PADI4: variants seen among roughly 807,000 people sequenced by gnomAD.
PADI4 encodes peptidyl arginine deiminase 4, also known as protein-arginine deiminase type-4.
PADI4 carries 62 observed loss-of-function variants against 75.0 expected under a neutral mutation model. That is an observed-to-expected ratio of 0.83 (90% confidence interval 0.67 to 1.02). The LOEUF (loss-of-function observed/expected upper bound fraction) is 1.02. Among genes scored for constraint, PADI4 ranks in the 50% least tolerant of loss-of-function variants. The pLI is 0.00. For synonymous variants in PADI4, 361 were observed against 348.1 expected (o/e 1.04, Z -0.41); for missense variants, 845 against 850.5 (o/e 0.99, Z 0.08).
rs2074406035 is a variant in PADI4, at chr1:17,340,850, G to T, written c.652+1037G>T. 4.0e-5 allele frequency among the ~76,000 whole-genome samples: 6 copies of T among 149,582 alleles called. No homozygotes were observed. In the Admixed American group the frequency reaches 4.0e-4, roughly 10 times the overall value. The stretch of plus-strand genomic sequence containing the variant: ...GAGTCTCACTCTGTTGCCCCGGCTG[G>T]AGTGCAGTGGTGCCATCTTGGCTCA... On this transcript the variant is annotated intron_variant, in intron 6 of 15. Transcript: ENST00000375448.
chr1:17,360,288 C>T (rs896265079), intron 15 of PADI4, among the ~76,000 whole-genome samples: 1 of 145,052 alleles, frequency 6.9e-6, no homozygotes, highest in Admixed American at 6.9e-5. Flanking sequence ...GAGACTTTGT[C>T]TCGGGAAAAA....
intron 4 of PADI4, among the ~76,000 whole-genome samples, chr1:17,337,444 C>T (rs1406616511): frequency 1.3e-5 from 2 of 152,142 alleles, no homozygotes; most frequent in Non-Finnish European, 2.9e-5. Flanking sequence ...CTGCGCCCAG[C>T]CAACATTTCT....
At chr1:17,359,169 C>T (rs2074810509) in intron 14 of PADI4, 111 bp from the exon 15 acceptor site, 11 of 815,476 alleles carry the variant, frequency 1.3e-5, no homozygotes, top group Middle Eastern at 3.6e-4. Context: ...GCCTTCCTGA[C>T]ACTGTCCCAG....
intron 2 of PADI4, 129 bp downstream of exon 2, chr1:17,331,278 G>T (rs765699265): frequency 3.5e-4 from 251 of 708,356 alleles, no homozygotes; most frequent in Non-Finnish European, 5.2e-4. Context: ...GCTCGTGATG[G>T]CTTCTTCCAG....
At chr1:17,347,852 G>T in intron 9 of PADI4, 89 bp from the exon 10 acceptor site, 1 of 644,174 alleles carries the variant, frequency 1.6e-6, no homozygotes. Flanking sequence ...GGGTGAGAGT[G>T]AGTGGATGGT....
intron 5 of PADI4, among the ~76,000 whole-genome samples, chr1:17,339,252 C>G (rs1390923117): frequency 6.6e-6 from 1 of 152,186 alleles, no homozygotes; most frequent in Non-Finnish European, 1.5e-5. Flanking sequence ...GGCTATTGTT[C>G]AAGTTGGTTC....
intron 1 of PADI4, among the ~76,000 whole-genome samples, chr1:17,313,226 G>C (rs553999280): frequency 6.6e-6 from 1 of 151,578 alleles, no homozygotes; most frequent in Non-Finnish European, 1.5e-5. Flanking sequence ...GGGGCCAGGC[G>C]TGGTAGCTCA....
chr1:17,341,674 AAGGAATGGTGTAT>A (rs2074420742), intron 6 of PADI4, among the ~76,000 whole-genome samples: 1 of 152,168 alleles, frequency 6.6e-6, no homozygotes, highest in Non-Finnish European at 1.5e-5. Context: ...GGAATGAGTG[AAGGAATGGTGTAT>A]ACTGGACTTC....
Position 17,334,005 on chromosome 1 carries a change from G to A in PADI4, c.336G>A (p.Gly112=), listed in dbSNP as rs763037085. Residue 112 remains glycine, a synonymous_variant, in exon 3 of 16, where the codon GGG becomes GGA. Transcript: ENST00000375448. The stretch of plus-strand genomic sequence containing the variant: ...TCAAAGCTCTACTCTACCTCACCGG[G>A]GTGGGTAAGTGACAACCAGGATCCT... ...PPVKALLYLT[G]VEISLCADIT... 4.4e-5 allele frequency: 70 copies of A among 1,604,712 alleles called. No individual in the cohort carries two copies. Among genetic ancestry groups the A allele is most frequent in the South Asian group, 8.8e-5 (8 of 90,926 alleles).
At chr1:17,357,030 C>T (rs538845048) in intron 13 of PADI4, among the ~76,000 whole-genome samples, 65 of 152,250 alleles carry the variant, frequency 4.3e-4, no homozygotes, top group African/African-American at 1.5e-3. Flanking sequence ...CAGGAGAGGG[C>T]TGACCTGTTT....
Position 17,346,144 on chromosome 1 carries a change from G to C in PADI4, c.1047+5G>C. ...ATGGATGACCAGTGGATGCAGGTAT[G>C]TGCCCTGCGGGGCAGGCAGGGTGAC... On this transcript the variant is annotated splice_donor_5th_base_variant and intron_variant, in intron 9 of 15. Transcript: ENST00000375448. The surrounding 1 kb of genome is among the most constrained non-coding windows in gnomAD (Gnocchi z 4.3). 1 of 1,583,422 alleles carries C rather than the reference G, an allele frequency of 6.3e-7. No individual in the cohort carries two copies.
At chr1:17,339,919 T>A in intron 6 of PADI4, 106 bp downstream of exon 6, 1 of 1,275,612 alleles carries the variant, frequency 7.8e-7, no homozygotes, top group Non-Finnish European at 1.1e-6. Flanking sequence ...ATGTGCCAAG[T>A]TCTAAGAACA....
intron 4 of PADI4, among the ~76,000 whole-genome samples, chr1:17,336,519 T>C (rs1391503203): frequency 6.6e-6 from 1 of 152,198 alleles, no homozygotes; most frequent in Non-Finnish European, 1.5e-5. Flanking sequence ...GTCTCGACTC[T>C]GGCTCAAAAA....
intron 1 of PADI4, among the ~76,000 whole-genome samples, chr1:17,317,196 G>A (rs2073955828): frequency 6.6e-6 from 1 of 152,048 alleles, no homozygotes; most frequent in Non-Finnish European, 1.5e-5. Context: ...AAAGTGCTAG[G>A]GTTACAGGCA....
At chr1:17,336,912 A>G (rs1635592) in intron 4 of PADI4, among the ~76,000 whole-genome samples, 97,078 of 152,054 alleles carry the variant, frequency 0.64, 31,218 homozygotes, top group Non-Finnish European at 0.67. Context: ...CCCAGGGGCA[A>G]ACGCTCTCCC....
In PADI4 at chr1:17,354,568, A is replaced by G. The variant is rs374083866; in HGVS notation, c.1191A>G (p.Gln397=). 23 of 1,614,158 alleles carry G rather than the reference A, an allele frequency of 1.4e-5. No homozygotes were observed. The highest frequency in any genetic ancestry group is 6.7e-5 in the East Asian group (3 of 44,878). Residue 397 remains glutamine, a synonymous_variant, in exon 11 of 16, where the codon CAA becomes CAG. Coordinates refer to ENST00000375448, the MANE Select transcript of PADI4 (RefSeq NM_012387.3). The stretch of plus-strand genomic sequence containing the variant: ...TTGGCTATGTAACTCGAGGGCCCCA[A>G]ACAGGGGGTATCAGTGGACTGGACT... ...PDFGYVTRGP[Q]TGGISGLDSF...
chr1:17,355,931 CTT>C lies in PADI4; in HGVS notation c.1311-51_1311-50del. 3 of 1,609,932 alleles carry C rather than the reference CTT, an allele frequency of 1.9e-6. No individual in the cohort carries two copies. The South Asian group carries it at 3.3e-5, about 18-fold the overall frequency. On this transcript the variant is annotated intron_variant, in intron 11 of 15. Coordinates refer to ENST00000375448, the MANE Select transcript of PADI4 (RefSeq NM_012387.3). ...TGCCAAGCCCCTTGTCCTTCAGGGA[CTT>C]CCCTGTAGCCCTTGCTGCCGATAAC...
intron 13 of PADI4, among the ~76,000 whole-genome samples, chr1:17,357,238 ACT>A (rs1471218559): frequency 1.3e-5 from 2 of 151,600 alleles, no homozygotes; most frequent in African/African-American, 4.9e-5. Flanking sequence ...CGCGATCTCG[ACT>A]CTCTGCAGCC....
At chr1:17,339,005 C>A (rs2074367026) in intron 5 of PADI4, among the ~76,000 whole-genome samples, 1 of 152,138 alleles carries the variant, frequency 6.6e-6, no homozygotes, top group Non-Finnish European at 1.5e-5. Flanking sequence ...GTGCCAAGAG[C>A]TGGTATAAGC....
Sources: allele counts gnomAD v4.1 joint callset (sites outside exome capture counted in the v4.1 genomes callset), GRCh38; gene constraint gnomAD v4.1.1; non-coding constraint Gnocchi (gnomAD v3.1); transcripts MANE v1.5; gene names NCBI Gene and HGNC (gene_info 2026-07-23, HGNC 2026-07-21).